Variants in ADAM19 observed in about 807,000 individuals in gnomAD.
ADAM19 encodes ADAM metallopeptidase domain 19, also known as disintegrin and metalloproteinase domain-containing protein 19.
A neutral mutation model predicts 114.7 loss-of-function variants in ADAM19; 65 were observed. The observed-to-expected ratio is 0.57, with a 90% CI of 0.46 to 0.70. The LOEUF is 0.70. Among genes scored for constraint, ADAM19 ranks in the 30% least tolerant of loss-of-function variants. ADAM19 has a pLI of 0.00. For missense variants in ADAM19, 1,063 were observed against 1,204.7 expected (o/e 0.88, Z 1.74); for synonymous variants, 466 against 460.5 (o/e 1.01, Z -0.15).
intron 11 of ADAM19, among the ~76,000 whole-genome samples, chr5:157,503,621 G>A (rs139630388): frequency 6.6e-5 from 10 of 152,308 alleles, no homozygotes; most frequent in African/African-American, 2.4e-4. Flanking sequence ...ATTGCATGAG[G>A]GGGCTGCGAT....
chr5:157,489,482 C>A (rs527652816), intron 19 of ADAM19, among the ~76,000 whole-genome samples: 1 of 152,204 alleles, frequency 6.6e-6, no homozygotes, highest in Non-Finnish European at 1.5e-5. Flanking sequence ...GTGTCACGAG[C>A]CATCAACCAA....
At chr5:157,541,090 G>A (rs1241126007) in intron 3 of ADAM19, among the ~76,000 whole-genome samples, 1 of 152,158 alleles carries the variant, frequency 6.6e-6, no homozygotes, top group African/African-American at 2.4e-5. Flanking sequence ...GTGTCCAGGT[G>A]CTGCTCTCAG....
intron 2 of ADAM19, among the ~76,000 whole-genome samples, chr5:157,567,275 C>T (rs2113797351): frequency 6.6e-6 from 1 of 152,346 alleles, no homozygotes. Context: ...AATCGTATTA[C>T]TTCATCTCAA....
At chr5:157,527,033 A>C (rs979955129) in intron 5 of ADAM19, among the ~76,000 whole-genome samples, 1 of 152,210 alleles carries the variant, frequency 6.6e-6, no homozygotes, top group African/African-American at 2.4e-5. Flanking sequence ...TCACACTGCT[A>C]TAAAGAACTA....
At chr5:157,562,157 G>A (rs192773346) in intron 3 of ADAM19, among the ~76,000 whole-genome samples, 1 of 152,236 alleles carries the variant, frequency 6.6e-6, no homozygotes, top group African/African-American at 2.4e-5. Flanking sequence ...AGGAAGTCGT[G>A]TGCAGTTGGA....
chr5:157,523,408 T>G lies in ADAM19; in HGVS notation c.408-3377A>C, dbSNP rs141631365. Reference sequence around the variant, plus strand: ...TGGAGGTGGGCCTGGTAGGAGGTGTTAGGGTCATGGGGTGGATCCCTCATG... The same window carrying G: ...TGGAGGTGGGCCTGGTAGGAGGTGTGAGGGTCATGGGGTGGATCCCTCATG... On this transcript the variant is annotated intron_variant, in intron 5 of 22. Transcript: ENST00000257527. 9.0e-4 allele frequency among the ~76,000 whole-genome samples: 137 copies of G among 152,322 alleles called. 2 individuals carry two copies. The East Asian group carries it at 0.018, about 20-fold the overall frequency.
At position 157,478,960 on chromosome 5, in the gene ADAM19, G is replaced by T; in HGVS notation, c.*1989C>A. The T allele has an allele frequency of 1.0e-6, 1 of 985,598 alleles. No homozygotes were observed. The highest frequency in any genetic ancestry group is 1.7e-5 in the African/African-American group (1 of 57,330). 61.1% of individuals were successfully genotyped at this position (985,598 alleles called of 1,614,324 possible). A position where few individuals can be genotyped will look rare whatever the true frequency, so the allele number is the denominator to read the frequency against. On this transcript the variant is annotated 3_prime_UTR_variant, in exon 23 of 23. Coordinates refer to ENST00000257527, the MANE Select transcript of ADAM19 (RefSeq NM_033274.5). ...AGGAAGCTCTGTGAGGCATGGGGTTGGGTTTTGAGGATGTTGCTTGTTTGT... is the reference window on the plus strand; with the variant it reads ...AGGAAGCTCTGTGAGGCATGGGGTTTGGTTTTGAGGATGTTGCTTGTTTGT...
chr5:157,570,880 T>C lies in ADAM19; in HGVS notation c.180+15A>G, dbSNP rs778426457. On this transcript the variant is annotated intron_variant, in intron 2 of 22. Coordinates refer to ENST00000257527, the MANE Select transcript of ADAM19 (RefSeq NM_033274.5). ...TCAACTCCTGCCAGTGTAAATGAGG[T>C]CTTTTGAGTCTTACCTTTTCTCTCA... 32 of 1,611,168 alleles carry C rather than the reference T, an allele frequency of 2.0e-5. No homozygotes were observed. The highest frequency in any genetic ancestry group is 3.3e-5 in the Admixed American group (2 of 59,762).
intron 5 of ADAM19, among the ~76,000 whole-genome samples, chr5:157,530,007 T>C (rs1756578777): frequency 6.6e-6 from 1 of 152,116 alleles, no homozygotes; most frequent in Admixed American, 6.5e-5. Flanking sequence ...ACTGAGGAGG[T>C]GTGGAACCAA....
Position 157,570,956 on chromosome 5 carries a change from T to C in ADAM19, c.119A>G (p.Lys40Arg), listed in dbSNP as rs768487747. ...WTRGSEEGSPKLQHELIIPQW... is the reference protein window; with the variant it reads ...WTRGSEEGSPRLQHELIIPQW... The stretch of plus-strand genomic sequence containing the variant: ...AGGTATGATAAGTTCATGCTGCAGC[T>C]TGGGGCTGCCTTCCTCACTTCCTCC... The change falls in exon 2 of 23, where the codon AAG becomes AGG. Residue 40 changes from lysine to arginine, a missense_variant. Physicochemically the swap from Lys to Arg is conservative, Grantham distance 26 (BLOSUM62 2). Transcript: ENST00000257527. The C allele has an allele frequency of 1.2e-6, 2 of 1,614,150 alleles. No individual in the cohort carries two copies. The highest frequency in any genetic ancestry group is 2.2e-5 in the East Asian group (1 of 44,894).
chr5:157,547,129 T>C (rs544512710), intron 3 of ADAM19, among the ~76,000 whole-genome samples: 2 of 152,314 alleles, frequency 1.3e-5, no homozygotes, highest in South Asian at 4.1e-4. Context: ...CAGGTTTTAT[T>C]ATTGCATCCC....
chr5:157,575,585 C>G lies in ADAM19; in HGVS notation c.94+18G>C. Reference sequence around the variant, plus strand: ...TCCGGGCCACCCAGCCTCCATCCCCCCGCGCCTGGCCACTTACTTGTCCAT... The same window carrying G: ...TCCGGGCCACCCAGCCTCCATCCCCGCGCGCCTGGCCACTTACTTGTCCAT... On this transcript the variant is annotated intron_variant, in intron 1 of 22. Transcript: ENST00000257527. The G allele has an allele frequency of 6.9e-7, 1 of 1,456,150 alleles. No homozygotes were observed. Among genetic ancestry groups the G allele is most frequent in the Non-Finnish European group, 9.0e-7 (1 of 1,109,144 alleles). 90.2% of individuals were successfully genotyped at this position (1,456,150 alleles called of 1,614,324 possible).
At position 157,575,770 on chromosome 5, in the gene ADAM19, G is replaced by T; in HGVS notation, c.-74C>A. The T allele has an allele frequency of 1.8e-6, 2 of 1,141,906 alleles. No homozygotes were observed. The highest frequency in any genetic ancestry group is 2.2e-6 in the Non-Finnish European group (2 of 902,332). The allele number at this position is 1,141,906 out of a possible 1,614,324, so 70.7% of individuals were successfully genotyped here. A position where few individuals can be genotyped will look rare whatever the true frequency, so the allele number is the denominator to read the frequency against. ...CTGCCCACTGCCCGGCGGTGGAGGC[G>T]CGTCTGGAACCCCCCGGCTCGCCCC... On this transcript the variant is annotated 5_prime_UTR_variant, in exon 1 of 23. Transcript: ENST00000257527.
intron 1 of ADAM19, among the ~76,000 whole-genome samples, chr5:157,572,764 G>C (rs763222216): frequency 1.3e-5 from 2 of 152,166 alleles, no homozygotes; most frequent in Non-Finnish European, 2.9e-5. Context: ...CAAGCATACT[G>C]CAGGACAGGA....
At chr5:157,496,338 C>A (rs1281608865) in intron 14 of ADAM19, among the ~76,000 whole-genome samples, 1 of 152,170 alleles carries the variant, frequency 6.6e-6, no homozygotes, top group Non-Finnish European at 1.5e-5. Context: ...CTATGGCTAA[C>A]AATGGTGCAG....
intron 22 of ADAM19, 62 bp from the exon 23 acceptor site, chr5:157,481,064 G>T (rs1206834949): frequency 6.2e-6 from 10 of 1,607,976 alleles, no homozygotes; most frequent in South Asian, 4.4e-5. Context: ...TGGGATCAAG[G>T]GGGCAGCCAT....
intron 3 of ADAM19, among the ~76,000 whole-genome samples, chr5:157,558,492 G>A (rs1561556523): frequency 1.3e-5 from 2 of 152,328 alleles, no homozygotes; most frequent in East Asian, 3.9e-4. Context: ...TCATTTAAAT[G>A]CAACTCAGTG....
At position 157,477,855 on chromosome 5, in the gene ADAM19, C is replaced by A. The variant is rs949675885; in HGVS notation, c.*3094G>T. 9.4e-5 allele frequency: 48 copies of A among 513,134 alleles called. No homozygotes were observed. Among genetic ancestry groups the A allele is most frequent in the African/African-American group, 6.6e-4 (33 of 49,636 alleles). The allele number at this position is 513,134 out of a possible 1,614,324, so 31.8% of individuals were successfully genotyped here. Reference sequence around the variant, plus strand: ...TCAGGGGGAAGGGACTATGGCAATACAAAAAAACACTCCAACCAGAAAATC... The same window carrying A: ...TCAGGGGGAAGGGACTATGGCAATAAAAAAAAACACTCCAACCAGAAAATC... On this transcript the variant is annotated 3_prime_UTR_variant, in exon 23 of 23. Coordinates refer to ENST00000257527, the MANE Select transcript of ADAM19 (RefSeq NM_033274.5).
intron 11 of ADAM19, 91 bp from the exon 12 acceptor site, chr5:157,503,071 G>T: frequency 7.9e-7 from 1 of 1,258,316 alleles, no homozygotes; most frequent in South Asian, 1.4e-5. Flanking sequence ...GCTACCCGTG[G>T]GGCTGACTCC....
Sources: gnomAD v4.1 joint callset for allele counts (sites outside exome capture counted in the v4.1 genomes callset) on GRCh38, gnomAD v4.1.1 for gene constraint, MANE v1.5 for transcripts, NCBI Gene and HGNC (gene_info 2026-07-23, HGNC 2026-07-21) for gene names.